The following BRWD1 variants were observed in gnomAD, a reference collection of about 807,000 sequenced individuals.
BRWD1 encodes bromodomain and WD repeat-containing protein 1.
BRWD1 carries 82 observed loss-of-function variants against 251.2 expected under a neutral mutation model. The observed-to-expected ratio is 0.33, with a 90% CI of 0.27 to 0.39. The LOEUF (loss-of-function observed/expected upper bound fraction) is 0.39, where lower values mean the gene tolerates loss of function less well. BRWD1 is among the 10% of genes least tolerant of loss of function. BRWD1 has a pLI of 1.00. For missense variants in BRWD1, 2,233 were observed against 2,711.6 expected, an observed-to-expected ratio of 0.82 and a Z score of 3.92; for synonymous variants, 918 against 902.8, an observed-to-expected ratio of 1.02 and a Z score of -0.30.
At chr21:39,204,605 G>C (rs1367725414) in intron 37 of BRWD1, among the ~76,000 whole-genome samples, 5 of 152,104 alleles carry the variant, frequency 3.3e-5, no homozygotes, top group Admixed American at 2.0e-4. Flanking sequence ...ATGCTCAAAA[G>C]ACCATACATA....
chr21:39,311,155 A>T (rs2146809584), intron 4 of BRWD1, among the ~76,000 whole-genome samples: 2 of 151,972 alleles, frequency 1.3e-5, no homozygotes, highest in Middle Eastern at 3.4e-3. Flanking sequence ...AAAAGCCAAA[A>T]AATTTATATA....
At chr21:39,255,289 G>A (rs1310001279) in intron 19 of BRWD1, among the ~76,000 whole-genome samples, 1 of 151,992 alleles carries the variant, frequency 6.6e-6, no homozygotes, top group African/African-American at 2.4e-5. Flanking sequence ...GCGGGCGCCT[G>A]TAAGCCCAGC....
intron 23 of BRWD1, chr21:39,235,459 AC>A (rs1410415440): frequency 1.3e-5 from 2 of 156,400 alleles, no homozygotes; most frequent in African/African-American, 4.8e-5. Flanking sequence ...CCTACAGTAA[AC>A]TGCCTCTCCA....
chr21:39,304,141 C>CAAAAAAAA (rs56990201), intron 4 of BRWD1, among the ~76,000 whole-genome samples: 1 of 118,390 alleles, frequency 8.4e-6, no homozygotes, highest in African/African-American at 3.3e-5. Flanking sequence ...AACTCTTTCT[C>CAAAAAAAA]AAAAAAAAAA....
Position 39,189,948 on chromosome 21 carries a change from T to G in BRWD1, c.*6311A>C, listed in dbSNP as rs1328609452. ...CTGCCTCAGATGAGTCTTGTTTCAG[T>G]CATGGGTTTACAAAGTCATTGAGTG... On this transcript the variant is annotated 3_prime_UTR_variant, in exon 41 of 41. Transcript: ENST00000342449. 2 of 985,286 alleles carry G rather than the reference T, an allele frequency of 2.0e-6. No individual in the cohort carries two copies. Among genetic ancestry groups the G allele is most frequent in the African/African-American group, 3.5e-5 (2 of 57,234 alleles). The allele number at this position is 985,286 out of a possible 1,614,324, so 61.0% of individuals were successfully genotyped here.
intron 13 of BRWD1, among the ~76,000 whole-genome samples, chr21:39,273,557 A>G (rs1022291515): frequency 3.3e-5 from 5 of 152,122 alleles, no homozygotes; most frequent in Non-Finnish European, 5.9e-5. Flanking sequence ...AGCCTGAACA[A>G]AAGTCTTTAC....
At chr21:39,282,631 C>A (rs1004711430) in intron 8 of BRWD1, among the ~76,000 whole-genome samples, 4 of 152,048 alleles carry the variant, frequency 2.6e-5, no homozygotes, top group Non-Finnish European at 5.9e-5. Flanking sequence ...ATTAAAACAT[C>A]AGAGTAAAAC....
chr21:39,215,946 G>A (rs2032871442), intron 31 of BRWD1, among the ~76,000 whole-genome samples: 1 of 152,146 alleles, frequency 6.6e-6, no homozygotes, highest in Admixed American at 6.5e-5. Context: ...GCTACAGTGA[G>A]CTATCATCAT....
At position 39,189,268 on chromosome 21, in the gene BRWD1, T is replaced by C; in HGVS notation, c.*6991A>G. The stretch of plus-strand genomic sequence containing the variant: ...TTGGAAGAAAAGAACAGATAACTGG[T>C]TCATTCCCAACAACCTATTCATCCA... On this transcript the variant is annotated 3_prime_UTR_variant, in exon 41 of 41. Transcript: ENST00000342449. The C allele has an allele frequency of 1.0e-6, 1 of 984,406 alleles. No homozygotes were observed. The highest frequency in any genetic ancestry group is 1.2e-6 in the Non-Finnish European group (1 of 828,974). The allele number at this position is 984,406 out of a possible 1,614,324, so 61.0% of individuals were successfully genotyped here.
At chr21:39,238,684 TG>T in intron 21 of BRWD1, 111 bp from the exon 22 acceptor site, 3 of 687,354 alleles carry the variant, frequency 4.4e-6, no homozygotes, top group Non-Finnish European at 7.6e-6. Context: ...CTAAGAAAAA[TG>T]AACAGTAATC....
At chr21:39,283,872 A>G (rs1477292356) in intron 8 of BRWD1, among the ~76,000 whole-genome samples, 1 of 151,888 alleles carries the variant, frequency 6.6e-6, no homozygotes, top group East Asian at 1.9e-4. Context: ...TTTTTTTTCT[A>G]AGATGGATTA....
chr21:39,198,087 CG>C (rs529136395), intron 40 of BRWD1, among the ~76,000 whole-genome samples: 31 of 152,072 alleles, frequency 2.0e-4, no homozygotes, highest in Non-Finnish European at 3.4e-4. Context: ...TGAAACTCCC[CG>C]TAACTCCCCA....
chr21:39,301,893 GAAAA>G (rs1555877780), intron 4 of BRWD1, among the ~76,000 whole-genome samples: 1 of 56,778 alleles, frequency 1.8e-5, no homozygotes, highest in Admixed American at 2.1e-4. Flanking sequence ...TTACTGTGCC[GAAAA>G]AAAAAAAAAA....
rs2031673865 is a variant in BRWD1, at chr21:39,193,778, T to C, written c.*2481A>G. On this transcript the variant is annotated 3_prime_UTR_variant, in exon 41 of 41. Transcript: ENST00000342449. ...CCTGTGCATTAAATCCCTGGGCATT[T>C]TGCATAACGTAGAAAAAAAAGGCCA... 1.0e-6 allele frequency: 1 copy of C among 985,428 alleles called. No homozygotes were observed. Among genetic ancestry groups the C allele is most frequent in the African/African-American group, 1.7e-5 (1 of 57,202 alleles). The allele number at this position is 985,428 out of a possible 1,614,324, so 61.0% of individuals were successfully genotyped here. A position where few individuals can be genotyped will look rare whatever the true frequency, so the allele number is the denominator to read the frequency against.
intron 39 of BRWD1, 23 bp downstream of exon 39, chr21:39,200,195 TA>T (rs748852841): frequency 2.5e-6 from 4 of 1,578,192 alleles, no homozygotes; most frequent in Admixed American, 3.9e-5. Flanking sequence ...ATACATTCCA[TA>T]AAAGTACTAC....
At chr21:39,268,860 T>C (rs555243704) in intron 15 of BRWD1, among the ~76,000 whole-genome samples, 1 of 152,096 alleles carries the variant, frequency 6.6e-6, no homozygotes, top group Non-Finnish European at 1.5e-5. Context: ...TGGTGGCGGG[T>C]GCCTGTAGTT....
chr21:39,274,259 A>T (rs1230788346), intron 13 of BRWD1, 115 bp downstream of exon 13: 1 of 763,444 alleles, frequency 1.3e-6, no homozygotes, highest in African/African-American at 1.7e-5. Context: ...AATAGAAGGT[A>T]GCTATAATCC....
Position 39,213,480 on chromosome 21 carries a change from C to A in BRWD1, c.3858+1G>T. On this transcript the variant is annotated splice_donor_variant, in intron 33 of 40. Coordinates refer to ENST00000342449, the MANE Select transcript of BRWD1 (RefSeq NM_033656.4). LOFTEE classifies it high-confidence loss of function. Reference sequence around the variant, plus strand: ...CATTATAAAATCAACAAACTTCATACCAAATCCTCAGCATTTTGCTCATCA... The same window carrying A: ...CATTATAAAATCAACAAACTTCATAACAAATCCTCAGCATTTTGCTCATCA... 6.2e-7 allele frequency: 1 copy of A among 1,609,466 alleles called. No homozygotes were observed.
chr21:39,277,239 G>A lies in BRWD1; in HGVS notation c.1104+12C>T, dbSNP rs200985310. The A allele has an allele frequency of 7.6e-4, 1,195 of 1,577,142 alleles. 3 individuals carry two copies. The highest frequency in any genetic ancestry group is 9.1e-4 in the Non-Finnish European group (1,047 of 1,151,150). ...CAATTAATCTAAAGGATTTTAAAAC[G>A]TGGATGCTTACAGTGTGGCTTTCAA... On this transcript the variant is annotated intron_variant, in intron 11 of 40. Transcript: ENST00000342449.
Sources: allele counts gnomAD v4.1 joint callset (sites outside exome capture counted in the v4.1 genomes callset), GRCh38; gene constraint gnomAD v4.1.1; transcripts MANE v1.5; gene names NCBI Gene and HGNC (gene_info 2026-07-23, HGNC 2026-07-21).